Variants in PCDHGA11 observed in about 807,000 individuals in gnomAD.
PCDHGA11 encodes the protein protocadherin gamma subfamily A, 11.
Under a neutral mutation model 60.4 loss-of-function variants are expected in PCDHGA11, and 39 were observed. That is an observed-to-expected ratio of 0.65 (90% CI 0.50 to 0.84). PCDHGA11 has a LOEUF of 0.84. Ranked by LOEUF, PCDHGA11 falls within the 40% of genes least tolerant of loss-of-function variation. The pLI, the probability that PCDHGA11 is intolerant of heterozygous loss-of-function variation, is 0.00. For missense variants in PCDHGA11, 1,165 were observed against 1,197.7 expected (o/e 0.97, Z 0.40); for synonymous variants, 533 against 510.3 (o/e 1.04, Z -0.60).
In PCDHGA11 at chr5:141,477,053, G is replaced by A; in HGVS notation, c.2434-17754G>A. On this transcript the variant is annotated intron_variant, in intron 1 of 3. Transcript: ENST00000398587. This position sits in a 1 kb window ranked among gnomAD's most constrained non-coding sequence, Gnocchi z 4.9. ...GACAATCAAGGGTCGGCTGGACTTC[G>A]AGGACACCAAACTCCATGAGATTTA... The A allele has an allele frequency of 1.9e-6, 3 of 1,614,230 alleles. No homozygotes were observed. The highest frequency in any genetic ancestry group is 2.5e-6 in the Non-Finnish European group (3 of 1,180,032).
At chr5:141,507,286 TC>T in intron 3 of PCDHGA11, 1 of 149,886 alleles carries the variant, frequency 6.7e-6, no homozygotes, top group East Asian at 1.9e-4. Context: ...TAAGTCAGTC[TC>T]AAATGTTGCA....
chr5:141,421,429 G>A lies in PCDHGA11; in HGVS notation c.202G>A (p.Val68Ile). 6.2e-7 allele frequency: 1 copy of A among 1,614,090 alleles called. No individual in the cohort carries two copies. Among genetic ancestry groups the A allele is most frequent in the Non-Finnish European group, 8.5e-7 (1 of 1,179,916 alleles). ...GCTGGCGAAGCGCGGAGTCCGCATC[G>A]TCTCCAGAGGGAAGACACAGCTTTT... is the stretch of plus-strand genomic sequence containing the variant. ...RELAKRGVRI[V>I]SRGKTQLFAV... Residue 68 changes from valine to isoleucine, a missense_variant, in exon 1 of 4, where the codon GTC becomes ATC. Coordinates refer to ENST00000398587, the MANE Select transcript of PCDHGA11 (RefSeq NM_018914.3).
chr5:141,448,720 C>T (rs545687728), intron 1 of PCDHGA11, among the ~76,000 whole-genome samples: 24 of 152,030 alleles, frequency 1.6e-4, no homozygotes, highest in African/African-American at 5.8e-4. Flanking sequence ...GCGGGAGGAT[C>T]ACGAGGTCAG....
chr5:141,430,897 C>T, intron 1 of PCDHGA11: 1 of 1,605,442 alleles, frequency 6.2e-7, no homozygotes, highest in Non-Finnish European at 8.5e-7. Context: ...CTAGGGTGGG[C>T]GACATCTCCA....
intron 3 of PCDHGA11, among the ~76,000 whole-genome samples, chr5:141,509,277 T>TC (rs566266970): frequency 0.011 from 1,653 of 152,240 alleles, 22 homozygotes; most frequent in Non-Finnish European, 0.018. Context: ...CGCTACCCGC[T>TC]CCCAGGGTCC....
intron 1 of PCDHGA11, chr5:141,478,540 C>T (rs1221128622): frequency 6.2e-7 from 1 of 1,606,412 alleles, no homozygotes; most frequent in East Asian, 2.2e-5. Context: ...GCGCCCCTCC[C>T]GGACAGGTAA....
Position 141,476,035 on chromosome 5 carries a change from C to A in PCDHGA11, c.2434-18772C>A. On this transcript the variant is annotated intron_variant, in intron 1 of 3. Coordinates refer to ENST00000398587, the MANE Select transcript of PCDHGA11 (RefSeq NM_018914.3). This position sits in a 1 kb window ranked among gnomAD's most constrained non-coding sequence, Gnocchi z 7.6. ...CATGTCGGACTCGGCGCCCAGCGCCCAAGCGCTAACCCGCTGAAAGTTTCT... is the reference window on the plus strand; with the variant it reads ...CATGTCGGACTCGGCGCCCAGCGCCAAAGCGCTAACCCGCTGAAAGTTTCT... The A allele has an allele frequency of 1.4e-6, 2 of 1,466,592 alleles. No individual in the cohort carries two copies. The highest frequency in any genetic ancestry group is 1.8e-6 in the Non-Finnish European group (2 of 1,102,494). 90.8% of individuals were successfully genotyped at this position (1,466,592 alleles called of 1,614,324 possible). A position where few individuals can be genotyped will look rare whatever the true frequency, so the allele number is the denominator to read the frequency against.
In PCDHGA11 at chr5:141,454,796, A is replaced by ATTTTTTTTTTTTTTTTTTT. The variant is rs61612330; in HGVS notation, c.2433+31147_2433+31165dup. Among the ~76,000 whole-genome samples the ATTTTTTTTTTTTTTTTTTT allele has an allele frequency of 2.8e-4, 22 of 77,458 alleles. 2 individuals are homozygous for ATTTTTTTTTTTTTTTTTTT. Among genetic ancestry groups the ATTTTTTTTTTTTTTTTTTT allele is most frequent in the East Asian group, 4.0e-4 (1 of 2,512 alleles). The allele number at this position is 77,458 out of a possible 152,430, so 50.8% of individuals were successfully genotyped here. The stretch of plus-strand genomic sequence containing the variant: ...AAGGAAATAATCCTCCATGGTTCTA[A>ATTTTTTTTTTTTTTTTTTT]TTTTTTTTTTTTTTTTTTTTTTTTT... On this transcript the variant is annotated intron_variant, in intron 1 of 3. Coordinates refer to ENST00000398587, the MANE Select transcript of PCDHGA11 (RefSeq NM_018914.3).
intron 1 of PCDHGA11, chr5:141,478,378 G>A (rs1454112813): frequency 6.2e-7 from 1 of 1,613,558 alleles, no homozygotes; most frequent in Admixed American, 1.7e-5. Context: ...TGATGTCGCC[G>A]CACCTTTACC....
chr5:141,485,106 T>C lies in PCDHGA11; in HGVS notation c.2434-9701T>C, dbSNP rs2099607051. The C allele has an allele frequency of 3.3e-6, 4 of 1,206,448 alleles. No homozygotes were observed. Among genetic ancestry groups the C allele is most frequent in the Non-Finnish European group, 4.8e-6 (4 of 828,284 alleles). 74.7% of individuals were successfully genotyped at this position (1,206,448 alleles called of 1,614,324 possible). ...GGGAGATAGGTGTCTCCAGCTGCTGTGGCTGTTTGGGGCGGGTCGGCTTCA... is the reference window on the plus strand; with the variant it reads ...GGGAGATAGGTGTCTCCAGCTGCTGCGGCTGTTTGGGGCGGGTCGGCTTCA... On this transcript the variant is annotated intron_variant, in intron 1 of 3. Coordinates refer to ENST00000398587, the MANE Select transcript of PCDHGA11 (RefSeq NM_018914.3). This position sits in a 1 kb window ranked among gnomAD's most constrained non-coding sequence, Gnocchi z 5.7.
intron 1 of PCDHGA11, among the ~76,000 whole-genome samples, chr5:141,469,684 T>C (rs1471928749): frequency 6.6e-6 from 1 of 152,256 alleles, no homozygotes; most frequent in Non-Finnish European, 1.5e-5. Flanking sequence ...ACATATGCAT[T>C]GGTCCTATGA....
intron 1 of PCDHGA11, among the ~76,000 whole-genome samples, chr5:141,445,567 T>C (rs1465765772): frequency 6.6e-6 from 1 of 152,142 alleles, no homozygotes; most frequent in Admixed American, 6.5e-5. Context: ...AGAGAAAGCT[T>C]ATAGTAGGGA....
Position 141,454,549 on chromosome 5 carries a change from G to A in PCDHGA11, c.2433+30889G>A, listed in dbSNP as rs188623155. ...AGCCTCCCAAGTAGCTGAGATTACA[G>A]GCATGTGCCACCACGCCCGGCTAAT... On this transcript the variant is annotated intron_variant, in intron 1 of 3. Transcript: ENST00000398587. Among the ~76,000 whole-genome samples, 406 of 152,154 alleles carry A rather than the reference G, an allele frequency of 2.7e-3. 2 individuals are homozygous for A. The highest frequency in any genetic ancestry group is 0.021 in the South Asian group (99 of 4,814).
chr5:141,472,412 G>A (rs1283620276), intron 1 of PCDHGA11, among the ~76,000 whole-genome samples: 8 of 151,940 alleles, frequency 5.3e-5, no homozygotes, highest in Non-Finnish European at 8.8e-5. Context: ...GTGGTGGCAC[G>A]CACCTGTATC....
chr5:141,489,546 C>T lies in PCDHGA11; in HGVS notation c.2434-5261C>T, dbSNP rs1404605129. ...GCCTATGTGGAGCCAGCACCAGCTGCCTGCTGCCAGTGCAGGTGGTGACTG... is the reference window on the plus strand; with the variant it reads ...GCCTATGTGGAGCCAGCACCAGCTGTCTGCTGCCAGTGCAGGTGGTGACTG... On this transcript the variant is annotated intron_variant, in intron 1 of 3. Coordinates refer to ENST00000398587, the MANE Select transcript of PCDHGA11 (RefSeq NM_018914.3). The surrounding 1 kb of genome is among the most constrained non-coding windows in gnomAD (Gnocchi z 4.5). 2 of 1,614,076 alleles carry T rather than the reference C, an allele frequency of 1.2e-6. No homozygotes were observed. The highest frequency in any genetic ancestry group is 2.2e-5 in the East Asian group (1 of 44,868).
Position 141,489,140 on chromosome 5 carries a change from G to A in PCDHGA11, c.2434-5667G>A. ...CCTCCGAGCAGTTTTTAAGAGGCTG[G>A]AAGGAGACATAAGAGACTTCAGCTG... is the stretch of plus-strand genomic sequence containing the variant. On this transcript the variant is annotated intron_variant, in intron 1 of 3. Transcript: ENST00000398587. The surrounding 1 kb of genome is among the most constrained non-coding windows in gnomAD (Gnocchi z 4.5). The A allele has an allele frequency of 1.2e-6, 1 of 841,390 alleles. No individual in the cohort carries two copies. Among genetic ancestry groups the A allele is most frequent in the South Asian group, 2.1e-5 (1 of 47,082 alleles). The allele number at this position is 841,390 out of a possible 1,614,324, so 52.1% of individuals were successfully genotyped here.
intron 1 of PCDHGA11, among the ~76,000 whole-genome samples, chr5:141,447,123 T>G (rs1004463863): frequency 1.3e-5 from 2 of 152,160 alleles, no homozygotes; most frequent in Non-Finnish European, 2.9e-5. Flanking sequence ...CCATGGATTT[T>G]TTTGTTTGTT....
rs550161736 is a variant in PCDHGA11, at chr5:141,427,826, G to T, written c.2433+4166G>T. ...GCGCACAGAGCGGGGTGGTGGTCGCGCAGCGTGCCTTCGACCACGAGCAGC... is the reference window on the plus strand; with the variant it reads ...GCGCACAGAGCGGGGTGGTGGTCGCTCAGCGTGCCTTCGACCACGAGCAGC... On this transcript the variant is annotated intron_variant, in intron 1 of 3. Coordinates refer to ENST00000398587, the MANE Select transcript of PCDHGA11 (RefSeq NM_018914.3). The T allele has an allele frequency of 2.6e-6, 4 of 1,536,502 alleles. No individual in the cohort carries two copies. The East Asian group carries it at 6.8e-5, about 26-fold the overall frequency.
At chr5:141,502,216 A>G (rs957759583) in intron 2 of PCDHGA11, among the ~76,000 whole-genome samples, 3 of 152,334 alleles carry the variant, frequency 2.0e-5, no homozygotes, top group Admixed American at 6.5e-5. Context: ...GCAGATTTTC[A>G]TAAATGTTCT....
Sources: gnomAD v4.1 joint callset for allele counts (sites outside exome capture counted in the v4.1 genomes callset) on GRCh38, gnomAD v4.1.1 for gene constraint, Gnocchi (gnomAD v3.1) non-coding constraint, MANE v1.5 for transcripts, NCBI Gene and HGNC (gene_info 2026-07-23, HGNC 2026-07-21) for gene names.